DGLUCY: variants seen among roughly 807,000 people sequenced by gnomAD.
DGLUCY encodes D-glutamate cyclase, also known as D-glutamate cyclase, mitochondrial.
DGLUCY carries 58 observed loss-of-function variants against 58.5 expected under a neutral mutation model. The ratio of observed to expected loss-of-function variants is 0.99; its 90% confidence interval spans 0.80 to 1.23. The LOEUF is 1.23. DGLUCY is among the 50% of genes most tolerant of loss of function. DGLUCY has a pLI of 0.00. For synonymous variants in DGLUCY, 325 were observed against 314.1 expected (o/e 1.03, Z -0.37); for missense variants, 779 against 784.7 (o/e 0.99, Z 0.09).
intron 1 of DGLUCY, chr14:91,145,395 T>A (rs1484239349): frequency 6.6e-6 from 1 of 152,256 alleles, no homozygotes; most frequent in Non-Finnish European, 1.5e-5. Flanking sequence ...TGATGACCCT[T>A]CTGCATGGTG....
At chr14:91,195,670 G>GTTTT (rs1207157314) in intron 9 of DGLUCY, among the ~76,000 whole-genome samples, 18 of 120,656 alleles carry the variant, frequency 1.5e-4, no homozygotes, top group South Asian at 2.7e-4. Context: ...TTTGGGTTTT[G>GTTTT]TTTTTTTTTT....
chr14:91,128,629 C>T (rs2140184137), intron 1 of DGLUCY: 1 of 152,180 alleles, frequency 6.6e-6, no homozygotes, highest in Admixed American at 6.6e-5. Flanking sequence ...GTTTCTCACC[C>T]CCCCTTTGTC....
intron 1 of DGLUCY, among the ~76,000 whole-genome samples, chr14:91,121,423 T>C (rs970551365): frequency 6.6e-6 from 1 of 152,024 alleles, no homozygotes; most frequent in African/African-American, 2.4e-5. Context: ...GCGCAGTGGC[T>C]CACGCCTGTA....
chr14:91,156,338 T>C (rs372098696), intron 1 of DGLUCY, among the ~76,000 whole-genome samples: 2 of 152,298 alleles, frequency 1.3e-5, no homozygotes, highest in East Asian at 3.9e-4. Flanking sequence ...GGTCTCAAAC[T>C]GCTGGGGTCC....
chr14:91,108,526 T>TGTGTGAGAGAGAGAGAGAGAGAGAGAGA (rs1265665234), intron 1 of DGLUCY, among the ~76,000 whole-genome samples: 3 of 52,176 alleles, frequency 5.7e-5, no homozygotes, highest in Non-Finnish European at 1.1e-4. Context: ...TGTGTGTGTG[T>TGTGTGAGAGAGAGAGAGAGAGAGAGAGA]GAGAGAGAGA....
At chr14:91,157,117 G>GTGT (rs2047673075) in intron 1 of DGLUCY, among the ~76,000 whole-genome samples, 1 of 138,776 alleles carries the variant, frequency 7.2e-6, no homozygotes. Flanking sequence ...ATGGATGGAT[G>GTGT]GGTGGATGGA....
rs1252823454 is a variant in DGLUCY at position 91,223,898 on chromosome 14, A to C, written c.1717-786A>C. The C allele has an allele frequency of 3.0e-5, 9 of 301,140 alleles. No individual in the cohort carries two copies. In the East Asian group the frequency reaches 7.0e-4, roughly 23 times the overall value. 18.7% of individuals were successfully genotyped at this position (301,140 alleles called of 1,614,324 possible). A position where few individuals can be genotyped will look rare whatever the true frequency, so the allele number is the denominator to read the frequency against. ...AGCACACTAAGGCACAGAACAGTTA[A>C]AATTCCTGCCAGGAAAGACTCAAGT... is the stretch of plus-strand genomic sequence containing the variant. On this transcript the variant is annotated intron_variant, in intron 13 of 13. Coordinates refer to ENST00000256324, the MANE Select transcript of DGLUCY (RefSeq NM_001102368.3).
intron 1 of DGLUCY, among the ~76,000 whole-genome samples, chr14:91,142,720 T>G (rs889710240): frequency 6.6e-6 from 1 of 151,460 alleles, no homozygotes. Flanking sequence ...GCACTTTGGG[T>G]TGGGAGGCTG....
At chr14:91,209,731 CAGAA>C (rs983010750) in intron 12 of DGLUCY, among the ~76,000 whole-genome samples, 2 of 151,942 alleles carry the variant, frequency 1.3e-5, no homozygotes, top group African/African-American at 2.4e-5. Context: ...GAAAATAAAA[CAGAA>C]AGCAAAAAAC....
Position 91,189,034 on chromosome 14 carries a change from A to G in DGLUCY, c.1059A>G (p.Pro353=), listed in dbSNP as rs746755253. 1.1e-5 allele frequency: 17 copies of G among 1,614,176 alleles called. No homozygotes were observed. The highest frequency in any genetic ancestry group is 1.4e-5 in the Non-Finnish European group (17 of 1,180,040). ...CCACACATTTCAATCATGAGCCTCCAGAAGAGACAGATGGCCCACCAGGAG... is the reference window on the plus strand; with the variant it reads ...CCACACATTTCAATCATGAGCCTCCGGAAGAGACAGATGGCCCACCAGGAG... ...GFPTHFNHEP[P]EETDGPPGAV... Residue 353 remains proline, a synonymous_variant, in exon 9 of 14, where the codon CCA becomes CCG. Transcript: ENST00000256324.
chr14:91,083,099 G>T (rs1338489299), intron 1 of DGLUCY, among the ~76,000 whole-genome samples: 2 of 152,186 alleles, frequency 1.3e-5, no homozygotes, highest in African/African-American at 4.8e-5. Context: ...TGCATGCCCT[G>T]CCCCAACTTG....
chr14:91,160,491 C>G, intron 3 of DGLUCY, 94 bp downstream of exon 3: 1 of 830,316 alleles, frequency 1.2e-6, no homozygotes, highest in African/African-American at 1.8e-5. Context: ...ACTCCTAAGA[C>G]TTCTAGATTC....
chr14:91,145,197 C>T (rs1341453888), intron 1 of DGLUCY: 1 of 152,162 alleles, frequency 6.6e-6, no homozygotes, highest in Non-Finnish European at 1.5e-5. Flanking sequence ...TGCTCCCAAC[C>T]TCCCTCTCTG....
intron 12 of DGLUCY, among the ~76,000 whole-genome samples, chr14:91,207,693 C>A (rs1457399087): frequency 1.3e-5 from 2 of 152,160 alleles, no homozygotes; most frequent in African/African-American, 4.8e-5. Flanking sequence ...ATTCATTTGA[C>A]TTCTCTACAG....
At chr14:91,094,814 ACT>A (rs960700582) in intron 1 of DGLUCY, among the ~76,000 whole-genome samples, 22 of 149,326 alleles carry the variant, frequency 1.5e-4, no homozygotes, top group African/African-American at 4.7e-4. Context: ...CAAGAGCAAA[ACT>A]CTCTCTCAAA....
At chr14:91,092,955 G>A (rs758095684) in intron 1 of DGLUCY, among the ~76,000 whole-genome samples, 4 of 152,032 alleles carry the variant, frequency 2.6e-5, no homozygotes, top group South Asian at 2.1e-4. Context: ...ATGGTGGCAG[G>A]CGCCTATGGT....
rs966488604 is a variant in DGLUCY at position 91,181,053 on chromosome 14, A to G, written c.731-133A>G. ...ACCAGCTTATTCTGACCTTGGTGCC[A>G]GCAGGTGGTATAGGGAGTGCTTAGG... is the stretch of plus-strand genomic sequence containing the variant. On this transcript the variant is annotated intron_variant, in intron 7 of 13. Coordinates refer to ENST00000256324, the MANE Select transcript of DGLUCY (RefSeq NM_001102368.3). The G allele has an allele frequency of 2.1e-4, 151 of 708,500 alleles. 1 individual carries two copies. The highest frequency in any genetic ancestry group is 8.4e-5 in the Admixed American group (3 of 35,548). The allele number at this position is 708,500 out of a possible 1,614,324, so 43.9% of individuals were successfully genotyped here. A position where few individuals can be genotyped will look rare whatever the true frequency, so the allele number is the denominator to read the frequency against.
At chr14:91,132,765 A>G (rs2046100119) in intron 1 of DGLUCY, among the ~76,000 whole-genome samples, 1 of 151,672 alleles carries the variant, frequency 6.6e-6, no homozygotes, top group Non-Finnish European at 1.5e-5. Flanking sequence ...GGCGTGAGCC[A>G]CTGCGCCCAG....
intron 12 of DGLUCY, among the ~76,000 whole-genome samples, chr14:91,212,345 A>G (rs575174764): frequency 6.6e-6 from 1 of 151,884 alleles, no homozygotes; most frequent in Non-Finnish European, 1.5e-5. Context: ...TGTCTCTACA[A>G]AAAAATTTTA....
Sources: allele counts gnomAD v4.1 joint callset (sites outside exome capture counted in the v4.1 genomes callset), GRCh38; gene constraint gnomAD v4.1.1; transcripts MANE v1.5; gene names NCBI Gene and HGNC (gene_info 2026-07-23, HGNC 2026-07-21).